The following RAB28 variants were observed in gnomAD, a reference collection of about 807,000 sequenced individuals.
The protein encoded by RAB28 is RAB28, member RAS oncogene family, also known as ras-related protein Rab-28.
RAB28 carries 24 observed loss-of-function variants against 31.7 expected under a neutral mutation model. The observed-to-expected ratio is 0.76, with a 90% CI of 0.55 to 1.06. The LOEUF is 1.06. Ranked by LOEUF, RAB28 falls within the 50% of genes least tolerant of loss-of-function variation. The pLI, the probability that RAB28 is intolerant of heterozygous loss-of-function variation, is 0.00. For missense variants in RAB28, 254 were observed against 258.5 expected (o/e 0.98, Z 0.12); for synonymous variants, 100 against 90.4 (o/e 1.11, Z -0.60).
intron 4 of RAB28, among the ~76,000 whole-genome samples, chr4:13,454,405 C>T (rs1715175863): frequency 6.6e-6 from 1 of 151,964 alleles, no homozygotes; most frequent in South Asian, 2.1e-4. Context: ...CTTGCTTTTT[C>T]ATGTTTGATG....
intron 4 of RAB28, among the ~76,000 whole-genome samples, chr4:13,434,751 G>C (rs1298155236): frequency 6.6e-6 from 1 of 152,116 alleles, no homozygotes; most frequent in Admixed American, 6.5e-5. Flanking sequence ...AGGTGCAGTG[G>C]CTCACTCCTG....
intron 2 of RAB28, among the ~76,000 whole-genome samples, chr4:13,475,913 T>C (rs942905211): frequency 6.6e-6 from 1 of 151,554 alleles, no homozygotes; most frequent in East Asian, 1.9e-4. Flanking sequence ...CTAAGAAGTA[T>C]ATAAACTAGT....
chr4:13,396,567 C>T (rs568958915), intron 4 of RAB28, among the ~76,000 whole-genome samples: 3 of 152,070 alleles, frequency 2.0e-5, no homozygotes, highest in Admixed American at 6.5e-5. Context: ...TTAAACCAAC[C>T]TTCTTATAAA....
intron 4 of RAB28, among the ~76,000 whole-genome samples, chr4:13,402,765 G>C (rs1321702366): frequency 1.3e-5 from 2 of 151,716 alleles, no homozygotes; most frequent in East Asian, 3.9e-4. Flanking sequence ...AAATATTTTA[G>C]GCTTTCTGCC....
At chr4:13,426,044 T>G (rs529066235) in intron 4 of RAB28, among the ~76,000 whole-genome samples, 1 of 152,344 alleles carries the variant, frequency 6.6e-6, no homozygotes, top group Admixed American at 6.5e-5. Context: ...ATCACATTGA[T>G]AACTTTAAGT....
chr4:13,420,730 T>A (rs1453955519), intron 4 of RAB28, among the ~76,000 whole-genome samples: 1 of 152,180 alleles, frequency 6.6e-6, no homozygotes, highest in African/African-American at 2.4e-5. Context: ...AAACTTTCAA[T>A]GAACTAGGTA....
At chr4:13,470,247 A>T (rs1716057272) in intron 3 of RAB28, among the ~76,000 whole-genome samples, 1 of 152,136 alleles carries the variant, frequency 6.6e-6, no homozygotes, top group Non-Finnish European at 1.5e-5. Context: ...CAGATTATAT[A>T]ATAGCCATAA....
intron 4 of RAB28, among the ~76,000 whole-genome samples, chr4:13,383,461 G>A (rs1205746761): frequency 1.3e-5 from 2 of 151,624 alleles, no homozygotes; most frequent in Non-Finnish European, 2.9e-5. Flanking sequence ...AAGACTAGTA[G>A]TACCATTGTT....
chr4:13,369,773 A>C, intron 6 of RAB28: 1 of 1,148,060 alleles, frequency 8.7e-7, no homozygotes, highest in Non-Finnish European at 1.2e-6. Context: ...TACAATAATC[A>C]TCTGAACTTC....
At chr4:13,448,507 T>G (rs572202468) in intron 4 of RAB28, among the ~76,000 whole-genome samples, 1 of 152,056 alleles carries the variant, frequency 6.6e-6, no homozygotes. Flanking sequence ...ATTACAGTAC[T>G]GTCAAAATGG....
intron 4 of RAB28, among the ~76,000 whole-genome samples, chr4:13,399,442 GCTGT>G (rs1221493408): frequency 2.6e-5 from 4 of 152,136 alleles, no homozygotes; most frequent in Non-Finnish European, 4.4e-5. Context: ...AATATGCCTA[GCTGT>G]CTAAGATACA....
At chr4:13,473,572 C>T (rs983944246) in intron 3 of RAB28, among the ~76,000 whole-genome samples, 1 of 151,786 alleles carries the variant, frequency 6.6e-6, no homozygotes, top group African/African-American at 2.4e-5. Flanking sequence ...CAATTCTTCA[C>T]TGAACATGCT....
chr4:13,456,248 T>C (rs575044891), intron 4 of RAB28, among the ~76,000 whole-genome samples: 2 of 152,298 alleles, frequency 1.3e-5, no homozygotes, highest in Admixed American at 6.5e-5. Flanking sequence ...AGAAATAAGA[T>C]GGTAATAAGG....
At chr4:13,436,501 A>G (rs2108936515) in intron 4 of RAB28, among the ~76,000 whole-genome samples, 1 of 152,332 alleles carries the variant, frequency 6.6e-6, no homozygotes, top group South Asian at 2.1e-4. Flanking sequence ...AAGTGACTTC[A>G]GTAAAGTTTC....
intron 4 of RAB28, among the ~76,000 whole-genome samples, chr4:13,437,574 C>T (rs1413096343): frequency 1.3e-5 from 2 of 151,996 alleles, no homozygotes; most frequent in South Asian, 2.1e-4. Flanking sequence ...AAAGAGGACA[C>T]GCAAGCAGCC....
intron 4 of RAB28, among the ~76,000 whole-genome samples, chr4:13,446,040 C>G (rs1261535983): frequency 1.3e-5 from 2 of 152,190 alleles, no homozygotes; most frequent in African/African-American, 4.8e-5. Context: ...CTGAATGGAG[C>G]TGCTGGATTT....
chr4:13,469,731 C>T (rs1386018986), intron 3 of RAB28, among the ~76,000 whole-genome samples: 2 of 152,034 alleles, frequency 1.3e-5, no homozygotes, highest in Non-Finnish European at 2.9e-5. Context: ...GGGTCTTGCT[C>T]TGTTCCCCAG....
chr4:13,429,700 T>C (rs1713703715), intron 4 of RAB28, among the ~76,000 whole-genome samples: 1 of 152,194 alleles, frequency 6.6e-6, no homozygotes, highest in Non-Finnish European at 1.5e-5. Context: ...GATGGCAATA[T>C]TCCCCAACTG....
chr4:13,467,159 G>A (rs1244820281), intron 3 of RAB28, among the ~76,000 whole-genome samples: 2 of 151,742 alleles, frequency 1.3e-5, no homozygotes, highest in African/African-American at 4.8e-5. Flanking sequence ...ATTGCTAAAA[G>A]ACTAAATTTC....
Sources: allele counts gnomAD v4.1 joint callset (sites outside exome capture counted in the v4.1 genomes callset), GRCh38; gene constraint gnomAD v4.1.1; transcripts MANE v1.5; gene names NCBI Gene and HGNC (gene_info 2026-07-23, HGNC 2026-07-21).